TENM2: variants seen among roughly 807,000 people sequenced by gnomAD.
TENM2 encodes the protein teneurin-2.
TENM2 carries 52 observed loss-of-function variants against 245.2 expected under a neutral mutation model. That is an observed-to-expected ratio of 0.21 (90% CI 0.17 to 0.27). TENM2 has a LOEUF of 0.27. TENM2 is among the 10% of genes least tolerant of loss of function. The pLI is 1.00. For missense variants in TENM2, 3,046 were observed against 3,666.8 expected (o/e 0.83, Z 4.37); for synonymous variants, 1,363 against 1,438.9 (o/e 0.95, Z 1.19).
intron 2 of TENM2, among the ~76,000 whole-genome samples, chr5:167,705,389 G>C (rs1339791356): frequency 3.9e-5 from 6 of 152,130 alleles, no homozygotes; most frequent in Admixed American, 2.0e-4. Flanking sequence ...AGAAACCTGA[G>C]TGTGCCTGCA....
intron 2 of TENM2, among the ~76,000 whole-genome samples, chr5:167,376,177 CA>C (rs1760736208): frequency 6.6e-6 from 1 of 152,130 alleles, no homozygotes; most frequent in Non-Finnish European, 1.5e-5. Context: ...GAAGCCTAAG[CA>C]AAGTCATTAA....
intron 2 of TENM2, among the ~76,000 whole-genome samples, chr5:167,432,275 C>CA (rs1233930367): frequency 6.6e-6 from 1 of 151,634 alleles, no homozygotes; most frequent in Non-Finnish European, 1.5e-5. Flanking sequence ...CATGAGGCAG[C>CA]AAAAGATTGA....
chr5:167,750,460 G>C (rs1761886704), intron 2 of TENM2, among the ~76,000 whole-genome samples: 1 of 152,008 alleles, frequency 6.6e-6, no homozygotes. Context: ...GCATTTTCTG[G>C]AGTTGTGAGC....
At chr5:167,900,858 G>C (rs917316411) in intron 3 of TENM2, among the ~76,000 whole-genome samples, 1 of 151,444 alleles carries the variant, frequency 6.6e-6, no homozygotes, top group Non-Finnish European at 1.5e-5. Flanking sequence ...TTGAGGCCTT[G>C]AGAGGAGACA....
intron 2 of TENM2, among the ~76,000 whole-genome samples, chr5:167,569,462 A>G (rs57111467): frequency 2.0e-5 from 3 of 152,282 alleles, no homozygotes; most frequent in East Asian, 1.9e-4. Flanking sequence ...TAATAAACCA[A>G]TGTGGCATAA....
chr5:167,209,523 G>C, the TENM2 span, among the ~76,000 whole-genome samples: 2 of 152,016 alleles, frequency 1.3e-5, no homozygotes, highest in East Asian at 1.9e-4. Context: ...CAAAGTGCTG[G>C]GATTACAGGT....
At chr5:168,257,842 C>T (rs924175857) in intron 27 of TENM2, among the ~76,000 whole-genome samples, 8 of 151,994 alleles carry the variant, frequency 5.3e-5, no homozygotes, top group African/African-American at 1.9e-4. Flanking sequence ...TCTCAACCTC[C>T]TGACCTGGTG....
In TENM2 at chr5:167,890,934, A is replaced by C. The variant is rs372834199; in HGVS notation, c.712+14739A>C. On this transcript the variant is annotated intron_variant, in intron 3 of 28. Coordinates refer to ENST00000518659, the Ensembl canonical transcript of TENM2. The stretch of plus-strand genomic sequence containing the variant: ...CCACTACAACCATCTGGTGAGGAAG[A>C]TGTAGAAGGTATTATTATCTCTACT... 3.9e-5 allele frequency among the ~76,000 whole-genome samples: 6 copies of C among 152,208 alleles called. No individual in the cohort carries two copies. In the East Asian group the frequency reaches 5.8e-4, roughly 15 times the overall value.
At chr5:167,619,285 C>G (rs987127527) in intron 2 of TENM2, among the ~76,000 whole-genome samples, 9 of 152,094 alleles carry the variant, frequency 5.9e-5, no homozygotes, top group African/African-American at 2.2e-4. Flanking sequence ...CAGCTTTATT[C>G]TGCTACCTTT....
intron 1 of TENM2, among the ~76,000 whole-genome samples, chr5:167,357,276 C>T (rs893165842): frequency 2.0e-5 from 3 of 150,812 alleles, no homozygotes; most frequent in African/African-American, 7.3e-5. Flanking sequence ...TGACTTTTTC[C>T]CCCTTATGCA....
the TENM2 span, among the ~76,000 whole-genome samples, chr5:167,221,765 G>A: frequency 2.2e-4 from 33 of 152,060 alleles, no homozygotes; most frequent in East Asian, 2.1e-3. Flanking sequence ...GAAATTCAGC[G>A]CTCCAGGAAT....
intron 2 of TENM2, among the ~76,000 whole-genome samples, chr5:167,683,946 G>A (rs1756907999): frequency 6.6e-6 from 1 of 152,170 alleles, no homozygotes; most frequent in Non-Finnish European, 1.5e-5. Context: ...TGGCCATTTT[G>A]CTTGCCTATG....
chr5:167,564,146 T>C (rs1179223615), intron 2 of TENM2, among the ~76,000 whole-genome samples: 1 of 152,078 alleles, frequency 6.6e-6, no homozygotes, highest in Admixed American at 6.6e-5. Context: ...GATTTAGAAG[T>C]CTTAAGTGCA....
chr5:167,005,395 C>T, the TENM2 span, among the ~76,000 whole-genome samples: 2 of 152,238 alleles, frequency 1.3e-5, no homozygotes, highest in Non-Finnish European at 2.9e-5. Flanking sequence ...TTTAGGAGAA[C>T]CGTTGACATT....
intron 2 of TENM2, among the ~76,000 whole-genome samples, chr5:167,596,354 C>T (rs776746770): frequency 6.6e-6 from 1 of 152,192 alleles, no homozygotes; most frequent in Non-Finnish European, 1.5e-5. Flanking sequence ...ACCCTGTTCT[C>T]TCCATCCTAC....
intron 2 of TENM2, among the ~76,000 whole-genome samples, chr5:167,681,271 G>A (rs1756688375): frequency 6.6e-6 from 1 of 151,998 alleles, no homozygotes; most frequent in African/African-American, 2.4e-5. Context: ...AATAGAAAAG[G>A]AATTATACAC....
intron 2 of TENM2, among the ~76,000 whole-genome samples, chr5:167,431,389 A>T (rs1301602008): frequency 1.1e-4 from 16 of 152,174 alleles, no homozygotes; most frequent in Admixed American, 1.0e-3. Context: ...TAAAGCTGGG[A>T]CAAAAGTGTA....
chr5:168,101,655 C>T (rs1481139385), intron 9 of TENM2, among the ~76,000 whole-genome samples: 1 of 152,196 alleles, frequency 6.6e-6, no homozygotes, highest in Non-Finnish European at 1.5e-5. Context: ...TTCCTCCATA[C>T]TCAGTCGCTG....
the TENM2 span, among the ~76,000 whole-genome samples, chr5:167,154,444 A>C: frequency 2.6e-5 from 4 of 152,350 alleles, no homozygotes; most frequent in African/African-American, 7.2e-5. Flanking sequence ...AAATAGAGTC[A>C]AAACACAAAG....
Sources: allele counts gnomAD v4.1 joint callset (sites outside exome capture counted in the v4.1 genomes callset), GRCh38; gene constraint gnomAD v4.1.1; transcripts MANE v1.5; gene names NCBI Gene and HGNC (gene_info 2026-07-23, HGNC 2026-07-21).